The following FHAD1 variants were observed in gnomAD, a reference collection of about 807,000 sequenced individuals.
FHAD1 encodes forkhead-associated domain-containing protein 1.
FHAD1 carries 146 observed loss-of-function variants against 191.3 expected under a neutral mutation model. That is an observed-to-expected ratio of 0.76 (90% CI 0.67 to 0.88). The LOEUF (loss-of-function observed/expected upper bound fraction) is 0.88, where lower values mean the gene tolerates loss of function less well. Among genes scored for constraint, FHAD1 ranks in the 40% least tolerant of loss-of-function variants. The probability of loss-of-function intolerance (pLI) is 0.00; values close to 1 mark genes in which losing one functional copy is unlikely to be tolerated. For synonymous variants in FHAD1, 616 were observed against 672.3 expected, an observed-to-expected ratio of 0.92 and a Z score of 1.29; for missense variants, 1,635 against 1,785.8, an observed-to-expected ratio of 0.92 and a Z score of 1.52.
At chr1:15,256,112 G>T (rs1573683358) in intron 2 of FHAD1, among the ~76,000 whole-genome samples, 2 of 152,196 alleles carry the variant, frequency 1.3e-5, no homozygotes, top group Non-Finnish European at 2.9e-5. Context: ...ATAATTTGAT[G>T]TGGGTTTTGA....
At chr1:15,359,841 T>G (rs531935162) in intron 21 of FHAD1, among the ~76,000 whole-genome samples, 2 of 152,218 alleles carry the variant, frequency 1.3e-5, no homozygotes, top group Non-Finnish European at 2.9e-5. Flanking sequence ...TCCCAGCTAC[T>G]CAGGAGGCTG....
In FHAD1 at chr1:15,352,964, C is replaced by T. The variant is rs1426443665; in HGVS notation, c.2542C>T (p.Arg848Cys). Reference sequence around the variant, plus strand: ...GAAAAAGGTGCAAGACCTGGAGAATCGCTTAACCAAGCAGAAAGAGGTATG... The same window carrying T: ...GAAAAAGGTGCAAGACCTGGAGAATTGCTTAACCAAGCAGAAAGAGGTATG... ...EKKKVQDLEN[R>C]LTKQKEELEL... Residue 848 changes from arginine to cysteine, a missense_variant, in exon 20 of 34, where the codon CGC becomes TGC. Coordinates refer to ENST00000688493, the MANE Select transcript of FHAD1 (RefSeq NM_001391957.1). 1.3e-6 allele frequency: 2 copies of T among 1,551,050 alleles called. No homozygotes were observed. Among genetic ancestry groups the T allele is most frequent in the Non-Finnish European group, 1.7e-6 (2 of 1,146,802 alleles).
At chr1:15,249,618 C>T (rs906210234) in intron 1 of FHAD1, among the ~76,000 whole-genome samples, 2 of 152,176 alleles carry the variant, frequency 1.3e-5, no homozygotes, top group Non-Finnish European at 2.9e-5. Context: ...CAAACATAAA[C>T]TATCTGGCTT....
intron 1 of FHAD1, among the ~76,000 whole-genome samples, chr1:15,237,035 A>C (rs183859239): frequency 6.6e-6 from 1 of 152,018 alleles, no homozygotes; most frequent in East Asian, 1.9e-4. Context: ...GTTAAGAGGG[A>C]CGCGTTTGCT....
chr1:15,300,773 C>G (rs1668462156), intron 5 of FHAD1, among the ~76,000 whole-genome samples: 2 of 152,188 alleles, frequency 1.3e-5, no homozygotes, highest in African/African-American at 4.8e-5. Flanking sequence ...CAGAGAGCCT[C>G]AAAGTCTGCC....
intron 24 of FHAD1, among the ~76,000 whole-genome samples, chr1:15,367,147 G>C (rs1250392365): frequency 6.6e-6 from 1 of 152,114 alleles, no homozygotes; most frequent in Non-Finnish European, 1.5e-5. Context: ...CTCACTCTTA[G>C]TTGCATGACC....
intron 1 of FHAD1, among the ~76,000 whole-genome samples, chr1:15,241,545 G>GAGGC (rs920458901): frequency 7.9e-5 from 12 of 152,148 alleles, no homozygotes; most frequent in African/African-American, 2.7e-4. Context: ...AGCTACTTGG[G>GAGGC]AGGCTGAGGT....
At chr1:15,383,479 C>T (rs6673066) in intron 31 of FHAD1, 18,116 of 343,944 alleles carry the variant, frequency 0.053, 1,404 homozygotes, top group African/African-American at 0.23. Flanking sequence ...GAGCAGCACC[C>T]GGGCGGCTTC....
intron 26 of FHAD1, among the ~76,000 whole-genome samples, chr1:15,371,880 A>G (rs549706103): frequency 6.6e-6 from 1 of 152,322 alleles, no homozygotes; most frequent in African/African-American, 2.4e-5. Context: ...TCCCAGCTGG[A>G]AAGCCAGGGC....
At position 15,381,966 on chromosome 1, in the gene FHAD1, C is replaced by T. The variant is rs1437445894; in HGVS notation, c.4023-62C>T. Reference sequence around the variant, plus strand: ...TATTTTGAGAGACTTCCGGGTCTGGCACATTGATGATGATTGGGAAAGATA... The same window carrying T: ...TATTTTGAGAGACTTCCGGGTCTGGTACATTGATGATGATTGGGAAAGATA... On this transcript the variant is annotated intron_variant, in intron 30 of 33. Coordinates refer to ENST00000688493, the MANE Select transcript of FHAD1 (RefSeq NM_001391957.1). The surrounding 1 kb of genome is among the most constrained non-coding windows in gnomAD (Gnocchi z 4.6). The T allele has an allele frequency of 6.6e-7, 1 of 1,523,122 alleles. No homozygotes were observed. Among genetic ancestry groups the T allele is most frequent in the African/African-American group, 1.4e-5 (1 of 72,146 alleles). 94.4% of individuals were successfully genotyped at this position (1,523,122 alleles called of 1,614,324 possible).
At chr1:15,271,620 C>CCCATGGGAAATAACTAATT (rs1553233844) in intron 2 of FHAD1, among the ~76,000 whole-genome samples, 1 of 151,692 alleles carries the variant, frequency 6.6e-6, no homozygotes, top group Non-Finnish European at 1.5e-5. Context: ...AATAACTAAT[C>CCCATGGGAAATAACTAATT]GCATGGGAAA....
At position 15,329,268 on chromosome 1, in the gene FHAD1, C is replaced by T. The variant is rs990147959; in HGVS notation, c.1711-78C>T. 1.1e-5 allele frequency: 13 copies of T among 1,223,734 alleles called. No individual in the cohort carries two copies. Among genetic ancestry groups the T allele is most frequent in the South Asian group, 6.8e-5 (4 of 58,608 alleles). The allele number at this position is 1,223,734 out of a possible 1,614,324, so 75.8% of individuals were successfully genotyped here. A position where few individuals can be genotyped will look rare whatever the true frequency, so the allele number is the denominator to read the frequency against. ...GCCTGCTTCGTGGCAGAGTCAAGAA[C>T]GCTGTTCCTCGAAGGTCACGTCAGG... On this transcript the variant is annotated intron_variant, in intron 13 of 33. Transcript: ENST00000688493. The surrounding 1 kb of genome is among the most constrained non-coding windows in gnomAD (Gnocchi z 5.0).
chr1:15,372,755 C>G (rs1370021075), intron 26 of FHAD1, among the ~76,000 whole-genome samples: 2 of 152,176 alleles, frequency 1.3e-5, no homozygotes, highest in Non-Finnish European at 2.9e-5. Flanking sequence ...TATAAAAGAG[C>G]CAGATTGTCA....
At chr1:15,296,867 C>A in intron 5 of FHAD1, 74 bp downstream of exon 5, 1 of 1,227,338 alleles carries the variant, frequency 8.1e-7, no homozygotes, top group Non-Finnish European at 1.1e-6. Context: ...GATGCCTGTT[C>A]TGTGTGGCCC....
At chr1:15,357,831 G>T in intron 20 of FHAD1, 1 of 290,398 alleles carries the variant, frequency 3.4e-6, no homozygotes, top group South Asian at 7.3e-5. Context: ...TTAAAGGGCT[G>T]TCTCATAAAA....
rs34110532 is a variant in FHAD1 at position 15,278,475 on chromosome 1, C to CTTTTTTTT, written c.300+5955_300+5962dup. Among the ~76,000 whole-genome samples, 10 of 124,332 alleles carry CTTTTTTTT rather than the reference C, an allele frequency of 8.0e-5. 1 individual carries two copies. Among genetic ancestry groups the CTTTTTTTT allele is most frequent in the African/African-American group, 1.3e-4 (4 of 30,752 alleles). 81.6% of individuals were successfully genotyped at this position (124,332 alleles called of 152,430 possible). ...ACGCTTTGAACAGTCTTCATTACCT[C>CTTTTTTTT]TTTTTTTTTTTTTTTTGAGACGGAG... On this transcript the variant is annotated intron_variant, in intron 3 of 33. Transcript: ENST00000688493.
intron 10 of FHAD1, among the ~76,000 whole-genome samples, chr1:15,323,069 A>G (rs1241071664): frequency 6.6e-6 from 1 of 152,200 alleles, no homozygotes; most frequent in Non-Finnish European, 1.5e-5. Flanking sequence ...ACAGCACGGG[A>G]AAGTCCGGCC....
intron 6 of FHAD1, among the ~76,000 whole-genome samples, chr1:15,305,979 A>G (rs759692519): frequency 1.3e-5 from 2 of 152,232 alleles, no homozygotes; most frequent in Non-Finnish European, 2.9e-5. Context: ...TAACAGGCAG[A>G]AGTTGGAACA....
In FHAD1 at chr1:15,307,824, G is replaced by A. The variant is rs576835901; in HGVS notation, c.916-789G>A. The stretch of plus-strand genomic sequence containing the variant: ...CGGCTCACTGCAAGCTCTGCCTCCC[G>A]GGTTCACACCATTCTCCTGCCTCAG... On this transcript the variant is annotated intron_variant, in intron 6 of 33. Transcript: ENST00000688493. Among the ~76,000 whole-genome samples the A allele has an allele frequency of 1.4e-4, 21 of 151,676 alleles. No homozygotes were observed. In the South Asian group the frequency reaches 3.3e-3, roughly 24 times the overall value.
Sources: allele counts gnomAD v4.1 joint callset (sites outside exome capture counted in the v4.1 genomes callset), GRCh38; gene constraint gnomAD v4.1.1; non-coding constraint Gnocchi (gnomAD v3.1); transcripts MANE v1.5; gene names NCBI Gene and HGNC (gene_info 2026-07-23, HGNC 2026-07-21).